The following TBC1D22A variants were observed in gnomAD, a reference collection of about 807,000 sequenced individuals.
TBC1D22A encodes putative GTPase activator.
A neutral mutation model predicts 60.2 loss-of-function variants in TBC1D22A; 38 were observed. The ratio of observed to expected loss-of-function variants is 0.63; its 90% CI spans 0.49 to 0.83. TBC1D22A has a LOEUF of 0.83. Among genes scored for constraint, TBC1D22A ranks in the 40% least tolerant of loss-of-function variants. TBC1D22A has a pLI of 0.00. For synonymous variants in TBC1D22A, 302 were observed against 281.7 expected (o/e 1.07, Z -0.72); for missense variants, 628 against 701.0 (o/e 0.90, Z 1.18).
At chr22:46,941,834 A>ATATGTATAGAATATGT (rs370457997) in intron 8 of TBC1D22A, among the ~76,000 whole-genome samples, 4 of 121,800 alleles carry the variant, frequency 3.3e-5, no homozygotes, top group East Asian at 4.1e-4. Context: ...TATATAGAAT[A>ATATGTATAGAATATGT]ATAGAATATA....
At chr22:46,922,802 G>A (rs1014177037) in intron 8 of TBC1D22A, among the ~76,000 whole-genome samples, 1 of 152,162 alleles carries the variant, frequency 6.6e-6, no homozygotes, top group African/African-American at 2.4e-5. Context: ...AAATTTTACT[G>A]AAGCTATCAG....
At chr22:46,866,208 G>A (rs995842122) in intron 4 of TBC1D22A, among the ~76,000 whole-genome samples, 10 of 152,158 alleles carry the variant, frequency 6.6e-5, no homozygotes, top group African/African-American at 1.2e-4. Context: ...GGGTTCAAGC[G>A]ATTCTCCTGC....
At chr22:46,934,548 A>G (rs1032948029) in intron 8 of TBC1D22A, among the ~76,000 whole-genome samples, 2 of 152,192 alleles carry the variant, frequency 1.3e-5, no homozygotes, top group Admixed American at 6.5e-5. Context: ...CAAATCGTCT[A>G]TACTACTCTT....
intron 12 of TBC1D22A, among the ~76,000 whole-genome samples, chr22:47,121,614 G>A (rs369454858): frequency 1.3e-5 from 2 of 152,116 alleles, no homozygotes; most frequent in Non-Finnish European, 2.9e-5. Context: ...TCTATTCCAC[G>A]CGTGGACAGA....
At chr22:47,116,394 T>C (rs1333861544) in intron 12 of TBC1D22A, 1 of 152,268 alleles carries the variant, frequency 6.6e-6, no homozygotes, top group Non-Finnish European at 1.5e-5. Flanking sequence ...GAACCTCCTC[T>C]GAGGAGGCCT....
intron 4 of TBC1D22A, among the ~76,000 whole-genome samples, chr22:46,827,907 C>G (rs1232913816): frequency 6.6e-6 from 1 of 152,232 alleles, no homozygotes; most frequent in Admixed American, 6.5e-5. Flanking sequence ...CTCTGCAGCT[C>G]TTTGTGCGGA....
At chr22:46,847,905 A>G (rs9626909) in intron 4 of TBC1D22A, among the ~76,000 whole-genome samples, 1,552 of 150,664 alleles carry the variant, frequency 0.01, 27 homozygotes, top group African/African-American at 0.036. Flanking sequence ...GAAATAGTCA[A>G]GGTACCCTAG....
intron 11 of TBC1D22A, among the ~76,000 whole-genome samples, chr22:47,091,112 G>T (rs1441441828): frequency 7.0e-6 from 1 of 143,468 alleles, no homozygotes; most frequent in African/African-American, 2.6e-5. Flanking sequence ...GTCATCTTTG[G>T]TGGGGAGTGG....
At chr22:46,829,218 T>A (rs2086202038) in intron 4 of TBC1D22A, among the ~76,000 whole-genome samples, 1 of 152,228 alleles carries the variant, frequency 6.6e-6, no homozygotes. Flanking sequence ...AACGCATTGT[T>A]TCATAGTTAC....
chr22:46,772,098 CAT>C (rs1250377996), intron 1 of TBC1D22A, among the ~76,000 whole-genome samples: 23 of 132,310 alleles, frequency 1.7e-4, no homozygotes, highest in African/African-American at 5.8e-4. Context: ...TGTATACACA[CAT>C]ATACATATAT....
chr22:46,999,259 C>A (rs557620743), intron 10 of TBC1D22A, among the ~76,000 whole-genome samples: 10 of 152,298 alleles, frequency 6.6e-5, no homozygotes, highest in African/African-American at 2.4e-4. Context: ...CAGCGATAAC[C>A]AAAGGAACCC....
intron 4 of TBC1D22A, among the ~76,000 whole-genome samples, chr22:46,848,044 C>T (rs1032573617): frequency 1.3e-5 from 2 of 152,022 alleles, no homozygotes; most frequent in East Asian, 3.9e-4. Flanking sequence ...GGGTGACATT[C>T]CTTCTTAGAA....
At chr22:46,913,469 T>C in intron 8 of TBC1D22A, 1 of 1,343,412 alleles carries the variant, frequency 7.4e-7, no homozygotes, top group Non-Finnish European at 9.9e-7. Flanking sequence ...ACTGCAGCCC[T>C]CTGACACTTT....
chr22:46,934,416 T>C (rs1283955365), intron 8 of TBC1D22A, among the ~76,000 whole-genome samples: 1 of 152,200 alleles, frequency 6.6e-6, no homozygotes, highest in Non-Finnish European at 1.5e-5. Flanking sequence ...CTCGGGCCAG[T>C]GGGAGTAGTG....
In TBC1D22A at chr22:47,064,698, C is replaced by A. The variant is rs75524349; in HGVS notation, c.1329+27500C>A. On this transcript the variant is annotated intron_variant, in intron 11 of 12. Coordinates refer to ENST00000337137, the MANE Select transcript of TBC1D22A (RefSeq NM_014346.5). ...CAGGACCAGATGATTTGGAAGGAAT[C>A]CTAGGGGCATCTGGGTATTCATAAA... Among the ~76,000 whole-genome samples, 1,397 of 152,294 alleles carry A rather than the reference C, an allele frequency of 9.2e-3. 15 individuals are homozygous for A. The highest frequency in any genetic ancestry group is 0.015 in the Non-Finnish European group (997 of 68,012).
At chr22:46,796,642 G>A (rs1307297989) in intron 3 of TBC1D22A, among the ~76,000 whole-genome samples, 2 of 151,556 alleles carry the variant, frequency 1.3e-5, no homozygotes, top group African/African-American at 4.9e-5. Flanking sequence ...CCGGTCCCGG[G>A]TTGCTGGGTG....
chr22:47,160,535 A>C lies in TBC1D22A; in HGVS notation c.1426-12963A>C, dbSNP rs112595348. On this transcript the variant is annotated intron_variant, in intron 12 of 12. Transcript: ENST00000337137. ...CACGTGGACACCTGGGCTCCGGGGC[A>C]GTGGGAGGTCTAGGCCTGCGCCTCC... Among the ~76,000 whole-genome samples, 34 of 152,340 alleles carry C rather than the reference A, an allele frequency of 2.2e-4. 2 individuals are homozygous for C. The highest frequency in any genetic ancestry group is 7.7e-4 in the African/African-American group (32 of 41,574).
Position 46,762,749 on chromosome 22 carries a change from G to A in TBC1D22A, c.-38G>A. ...CTAGGGGAGGGCCGGGTGCACTCGGGGTGTCTGGGCCGCGGGTCTGAGGGA... is the reference window on the plus strand; with the variant it reads ...CTAGGGGAGGGCCGGGTGCACTCGGAGTGTCTGGGCCGCGGGTCTGAGGGA... On this transcript the variant is annotated 5_prime_UTR_variant, in exon 1 of 13. Coordinates refer to ENST00000337137, the MANE Select transcript of TBC1D22A (RefSeq NM_014346.5). The A allele has an allele frequency of 7.1e-7, 1 of 1,412,976 alleles. No homozygotes were observed. The allele number at this position is 1,412,976 out of a possible 1,614,324, so 87.5% of individuals were successfully genotyped here. A position where few individuals can be genotyped will look rare whatever the true frequency, so the allele number is the denominator to read the frequency against.
chr22:46,884,312 A>G (rs1027323517), intron 5 of TBC1D22A, among the ~76,000 whole-genome samples: 2 of 152,156 alleles, frequency 1.3e-5, no homozygotes, highest in African/African-American at 4.8e-5. Context: ...TAGAGGAGCA[A>G]GGGAGGCAGC....
Sources: gnomAD v4.1 joint callset for allele counts (sites outside exome capture counted in the v4.1 genomes callset) on GRCh38, gnomAD v4.1.1 for gene constraint, MANE v1.5 for transcripts, NCBI Gene and HGNC (gene_info 2026-07-23, HGNC 2026-07-21) for gene names.